The following C2orf49 variants were observed in gnomAD, a reference collection of about 807,000 sequenced individuals.
C2orf49 encodes the protein tRNA-splicing ligase complex subunit ASW.
Under a neutral mutation model 20.6 loss-of-function variants are expected in C2orf49, and 11 were observed. The ratio of observed to expected loss-of-function variants is 0.53; its 90% CI spans 0.34 to 0.88. C2orf49 has a LOEUF of 0.88. Among genes scored for constraint, C2orf49 ranks in the 40% least tolerant of loss-of-function variants. The pLI is 0.02. For synonymous variants in C2orf49, 134 were observed against 108.5 expected (o/e 1.24, Z -1.46); for missense variants, 289 against 274.2 (o/e 1.05, Z -0.38).
the C2orf49 span, among the ~76,000 whole-genome samples, chr2:105,355,998 G>A: frequency 1.3e-5 from 2 of 152,134 alleles, no homozygotes; most frequent in South Asian, 2.1e-4. Flanking sequence ...TAATCCCAGC[G>A]TTTTGGAATG....
At chr2:105,373,561 G>T in the C2orf49 span, 1 of 1,614,198 alleles carries the variant, frequency 6.2e-7, no homozygotes, top group Non-Finnish European at 8.5e-7. Context: ...CTCCTGACCT[G>T]GCATGATGGT....
chr2:105,357,825 T>G, the C2orf49 span: 1 of 152,326 alleles, frequency 6.6e-6, no homozygotes, highest in African/African-American at 2.4e-5. Context: ...TAAATATGAT[T>G]TCCTTTAGTT....
the C2orf49 span, chr2:105,363,450 T>G: frequency 1.2e-4 from 196 of 1,610,804 alleles, no homozygotes; most frequent in Middle Eastern, 9.9e-4. Context: ...TCCCGGTAAG[T>G]GACCCCTCCC....
the C2orf49 span, among the ~76,000 whole-genome samples, chr2:105,384,492 C>G: frequency 1.3e-5 from 2 of 152,106 alleles, no homozygotes; most frequent in Non-Finnish European, 2.9e-5. Flanking sequence ...GAAGCAGACC[C>G]CTGGTTCTCC....
At chr2:105,371,635 G>A in the C2orf49 span, among the ~76,000 whole-genome samples, 4 of 151,668 alleles carry the variant, frequency 2.6e-5, no homozygotes, top group East Asian at 5.8e-4. Flanking sequence ...TCTGGAGAAC[G>A]TGACTAACAC....
At chr2:105,356,400 A>G in the C2orf49 span, among the ~76,000 whole-genome samples, 3 of 152,072 alleles carry the variant, frequency 2.0e-5, no homozygotes, top group South Asian at 6.2e-4. Context: ...CAAAATGACA[A>G]CAACAAAACA....
the C2orf49 span, among the ~76,000 whole-genome samples, chr2:105,370,215 CAAAA>C: frequency 6.7e-6 from 1 of 149,668 alleles, no homozygotes; most frequent in Admixed American, 6.7e-5. Flanking sequence ...TCTACCCCCC[CAAAA>C]AAAAAATTAG....
the C2orf49 span, chr2:105,362,996 A>G: frequency 2.2e-5 from 8 of 363,894 alleles, no homozygotes; most frequent in African/African-American, 1.6e-4. Flanking sequence ...GTGATGTCAC[A>G]GGCTCACAGA....
chr2:105,366,051 C>CA, the C2orf49 span, among the ~76,000 whole-genome samples: 1,876 of 149,952 alleles, frequency 0.013, 48 homozygotes, highest in African/African-American at 0.044. Flanking sequence ...ACTAAAAATA[C>CA]AAAAAAAACC....
the C2orf49 span, among the ~76,000 whole-genome samples, chr2:105,367,396 G>A: frequency 6.6e-6 from 1 of 152,188 alleles, no homozygotes; most frequent in African/African-American, 2.4e-5. Flanking sequence ...TTGAAAGAAG[G>A]ATGGACACCC....
chr2:105,369,903 A>T, the C2orf49 span, among the ~76,000 whole-genome samples: 1 of 152,206 alleles, frequency 6.6e-6, no homozygotes, highest in Non-Finnish European at 1.5e-5. Context: ...CCTCAGGGAC[A>T]TGGCGCGTGC....
chr2:105,340,713 C>T (rs1249608194), intron 2 of C2orf49, among the ~76,000 whole-genome samples: 1 of 152,090 alleles, frequency 6.6e-6, no homozygotes, highest in African/African-American at 2.4e-5. Flanking sequence ...TTTGATTAAT[C>T]AGTGTTGTTG....
At chr2:105,364,729 A>G in the C2orf49 span, among the ~76,000 whole-genome samples, 1 of 152,212 alleles carries the variant, frequency 6.6e-6, no homozygotes, top group African/African-American at 2.4e-5. Flanking sequence ...TTTCAGTATC[A>G]TGCAGTAACT....
chr2:105,384,040 C>T, the C2orf49 span, among the ~76,000 whole-genome samples: 1 of 152,146 alleles, frequency 6.6e-6, no homozygotes, highest in East Asian at 1.9e-4. Flanking sequence ...GGAAGGATGA[C>T]GGCTTTTAAG....
chr2:105,364,685 C>T, the C2orf49 span, among the ~76,000 whole-genome samples: 357 of 152,354 alleles, frequency 2.3e-3, no homozygotes, highest in South Asian at 4.1e-3. Context: ...AAGCACCTCA[C>T]AATCACACTT....
the C2orf49 span, among the ~76,000 whole-genome samples, chr2:105,357,185 C>T: frequency 8.1e-3 from 1,231 of 152,232 alleles, 17 homozygotes; most frequent in African/African-American, 0.028. Flanking sequence ...CCTTCCATTA[C>T]ACATATGTTG....
chr2:105,356,322 C>T, the C2orf49 span, among the ~76,000 whole-genome samples: 3 of 152,082 alleles, frequency 2.0e-5, no homozygotes, highest in African/African-American at 4.8e-5. Context: ...ACCTAGGAGG[C>T]GGAGGTTACA....
the C2orf49 span, among the ~76,000 whole-genome samples, chr2:105,371,854 C>T: frequency 2.0e-5 from 3 of 152,176 alleles, no homozygotes; most frequent in African/African-American, 7.2e-5. Context: ...TGTGTCTCTG[C>T]AGTGACTCCC....
chr2:105,363,432 A>G, the C2orf49 span: 5 of 1,612,522 alleles, frequency 3.1e-6, no homozygotes, highest in South Asian at 5.5e-5. Flanking sequence ...TCCTTGTGCC[A>G]GGGCTGCTCC....
Sources: gnomAD v4.1 joint callset for allele counts (sites outside exome capture counted in the v4.1 genomes callset) on GRCh38, gnomAD v4.1.1 for gene constraint, MANE v1.5 for transcripts, NCBI Gene and HGNC (gene_info 2026-07-23, HGNC 2026-07-21) for gene names.